Variants in SULF2 observed in about 807,000 individuals in gnomAD.
SULF2 encodes the protein sulfatase 2.
Under a neutral mutation model 107.7 loss-of-function variants are expected in SULF2, and 52 were observed. The ratio of observed to expected loss-of-function variants is 0.48; its 90% confidence interval spans 0.39 to 0.61. The LOEUF is 0.61. Among genes scored for constraint, SULF2 ranks in the 20% least tolerant of loss-of-function variants. SULF2 has a pLI of 0.00. For missense variants in SULF2, 993 were observed against 1,177.3 expected (o/e 0.84, Z 2.29); for synonymous variants, 460 against 464.3 (o/e 0.99, Z 0.12).
Position 47,779,355 on chromosome 20 carries a change from C to T in SULF2, c.-101+5988G>A, listed in dbSNP as rs76272257. Reference sequence around the variant, plus strand: ...GGTTGAGAATCAAAGCCCTTTCCCTCACTCTGTAATCCAATCCACTAGGAA... The same window carrying T: ...GGTTGAGAATCAAAGCCCTTTCCCTTACTCTGTAATCCAATCCACTAGGAA... On this transcript the variant is annotated intron_variant, in intron 1 of 20. Coordinates refer to ENST00000688720, the MANE Select transcript of SULF2 (RefSeq NM_001387048.1). Among the ~76,000 whole-genome samples, 972 of 152,302 alleles carry T rather than the reference C, an allele frequency of 6.4e-3. 15 individuals carry two copies. Among genetic ancestry groups the T allele is most frequent in the African/African-American group, 0.022 (909 of 41,564 alleles).
intron 1 of SULF2, among the ~76,000 whole-genome samples, chr20:47,757,849 G>A (rs971263364): frequency 7.2e-5 from 11 of 152,246 alleles, no homozygotes; most frequent in East Asian, 3.9e-4. Flanking sequence ...AATATTTGCC[G>A]TCCTCTTGCA....
chr20:47,665,054 G>A, intron 14 of SULF2, 145 bp downstream of exon 14: 1 of 696,242 alleles, frequency 1.4e-6, no homozygotes, highest in South Asian at 1.7e-5. Flanking sequence ...CAACAGGGAG[G>A]TAAATTACGG....
chr20:47,682,635 G>A (rs1254935923), intron 7 of SULF2, among the ~76,000 whole-genome samples: 3 of 152,086 alleles, frequency 2.0e-5, no homozygotes, highest in South Asian at 2.1e-4. Context: ...GCTGTGGTCC[G>A]GGGTTCCTCC....
At chr20:47,724,096 G>A (rs1260214968) in intron 3 of SULF2, among the ~76,000 whole-genome samples, 2 of 152,230 alleles carry the variant, frequency 1.3e-5, no homozygotes. Context: ...GATGTGGACA[G>A]AGAGGTGAGC....
At chr20:47,758,373 G>A (rs903038915) in intron 1 of SULF2, among the ~76,000 whole-genome samples, 1 of 152,128 alleles carries the variant, frequency 6.6e-6, no homozygotes, top group Non-Finnish European at 1.5e-5. Context: ...GTTTCACCAT[G>A]TTGGCCAGGC....
chr20:47,669,443 A>G (rs1317842839), intron 11 of SULF2, among the ~76,000 whole-genome samples: 4 of 152,188 alleles, frequency 2.6e-5, no homozygotes, highest in African/African-American at 4.8e-5. Context: ...TCTGCTCACT[A>G]GACGCCAGCA....
chr20:47,739,286 A>G (rs1415873532), intron 2 of SULF2, among the ~76,000 whole-genome samples: 4 of 152,136 alleles, frequency 2.6e-5, no homozygotes. Context: ...ACCCCCTAGA[A>G]ACCTGAAAAC....
At chr20:47,720,862 C>T (rs1302022079) in intron 3 of SULF2, among the ~76,000 whole-genome samples, 1 of 152,180 alleles carries the variant, frequency 6.6e-6, no homozygotes, top group Non-Finnish European at 1.5e-5. Flanking sequence ...ATTAACCTAG[C>T]AGGGGAGCTG....
intron 2 of SULF2, among the ~76,000 whole-genome samples, chr20:47,745,382 GA>G (rs1158560282): frequency 2.1e-3 from 111 of 51,988 alleles, no homozygotes; most frequent in Non-Finnish European, 3.3e-3. Context: ...AGTTTTGAGG[GA>G]AAAAAAAAAA....
chr20:47,719,471 G>A (rs370065676), intron 3 of SULF2, among the ~76,000 whole-genome samples: 3 of 152,078 alleles, frequency 2.0e-5, no homozygotes, highest in African/African-American at 4.8e-5. Context: ...ATGATGGAAC[G>A]CCATCTGACC....
chr20:47,677,479 G>A lies in SULF2; in HGVS notation c.1194-345C>T, dbSNP rs936859467. On this transcript the variant is annotated intron_variant, in intron 8 of 20. Coordinates refer to ENST00000688720, the MANE Select transcript of SULF2 (RefSeq NM_001387048.1). ...TCCCAGGAAGCCCAGCAACTCCCCC[G>A]GCACTAGACGAGCTCTATCTCGAGT... Among the ~76,000 whole-genome samples, 20 of 151,578 alleles carry A rather than the reference G, an allele frequency of 1.3e-4. No homozygotes were observed. The East Asian group carries it at 1.8e-3, about 13-fold the overall frequency.
intron 2 of SULF2, among the ~76,000 whole-genome samples, chr20:47,743,492 T>C (rs1202289836): frequency 1.3e-5 from 2 of 152,162 alleles, no homozygotes; most frequent in African/African-American, 4.8e-5. Context: ...GTATTTTTTG[T>C]ACAGGTGGGG....
intron 4 of SULF2, among the ~76,000 whole-genome samples, chr20:47,698,944 TCA>T (rs1400742908): frequency 6.6e-6 from 1 of 152,054 alleles, no homozygotes; most frequent in African/African-American, 2.4e-5. Flanking sequence ...GGCAGGAGAA[TCA>T]CATGAACCCA....
intron 3 of SULF2, among the ~76,000 whole-genome samples, chr20:47,716,270 G>T (rs1230034856): frequency 2.0e-5 from 3 of 152,144 alleles, no homozygotes; most frequent in Non-Finnish European, 4.4e-5. Flanking sequence ...ATAAATAGAG[G>T]CTGGGCGTGA....
At chr20:47,779,570 TTC>T (rs2090785529) in intron 1 of SULF2, among the ~76,000 whole-genome samples, 1 of 152,172 alleles carries the variant, frequency 6.6e-6, no homozygotes, top group Admixed American at 6.5e-5. Context: ...AATCATATCA[TTC>T]TCTGACTTAA....
intron 14 of SULF2, 64 bp downstream of exon 14, chr20:47,665,135 G>A (rs1042074598): frequency 9.9e-7 from 1 of 1,007,046 alleles, no homozygotes; most frequent in Non-Finnish European, 1.6e-6. Flanking sequence ...TCACGAGAGG[G>A]GATGAACTGA....
rs928537593 is a variant in SULF2 at position 47,715,078 on chromosome 20, C to T, written c.416-12408G>A. On this transcript the variant is annotated intron_variant, in intron 3 of 20. Coordinates refer to ENST00000688720, the MANE Select transcript of SULF2 (RefSeq NM_001387048.1). ...GGACCACAGGCACAAGCCACCATGCCCAGATAACTTTTGTATTTTTTTTTT... is the reference window on the plus strand; with the variant it reads ...GGACCACAGGCACAAGCCACCATGCTCAGATAACTTTTGTATTTTTTTTTT... 5.3e-5 allele frequency among the ~76,000 whole-genome samples: 8 copies of T among 151,214 alleles called. No individual in the cohort carries two copies. The East Asian group carries it at 9.7e-4, about 18-fold the overall frequency.
At chr20:47,750,955 A>T (rs776193080) in intron 2 of SULF2, among the ~76,000 whole-genome samples, 3 of 152,140 alleles carry the variant, frequency 2.0e-5, no homozygotes, top group Non-Finnish European at 4.4e-5. Flanking sequence ...AGAAAATCCC[A>T]GCGATTCTTT....
intron 2 of SULF2, among the ~76,000 whole-genome samples, chr20:47,746,686 G>C (rs922701612): frequency 1.3e-5 from 2 of 152,088 alleles, no homozygotes; most frequent in African/African-American, 4.8e-5. Flanking sequence ...TCCTTTGTAG[G>C]GACATGGATG....
Sources: allele counts gnomAD v4.1 joint callset (sites outside exome capture counted in the v4.1 genomes callset), GRCh38; gene constraint gnomAD v4.1.1; transcripts MANE v1.5; gene names NCBI Gene and HGNC (gene_info 2026-07-23, HGNC 2026-07-21).